The following DACH2 variants were observed in gnomAD, a reference collection of about 807,000 sequenced individuals.
DACH2 encodes dachshund homolog 2.
Under a neutral mutation model 35.8 loss-of-function variants are expected in DACH2, and 17 were observed. The ratio of observed to expected loss-of-function variants is 0.48; its 90% confidence interval spans 0.33 to 0.71. The LOEUF (loss-of-function observed/expected upper bound fraction) is 0.71, where lower values mean the gene tolerates loss of function less well. Among genes scored for constraint, DACH2 ranks in the 30% least tolerant of loss-of-function variants. DACH2 has a pLI of 0.02. For missense variants in DACH2, 469 were observed against 472.7 expected (o/e 0.99, Z 0.07); for synonymous variants, 195 against 177.3 (o/e 1.10, Z -0.79).
At chrX:86,319,378 G>A (rs766468585) in intron 1 of DACH2, among the ~76,000 whole-genome samples, 29 of 110,834 alleles carry the variant, frequency 2.6e-4, no homozygotes, top group Middle Eastern at 4.6e-3. Context: ...TACTCACCTC[G>A]TATGCAAATC....
intron 1 of DACH2, among the ~76,000 whole-genome samples, chrX:86,149,972 G>C (rs2030307029): frequency 9.0e-6 from 1 of 111,686 alleles, no homozygotes; most frequent in African/African-American, 3.3e-5. Context: ...TTCCCTTAAA[G>C]ACAGGATTCC....
chrX:86,472,981 T>C (rs1404513193), intron 2 of DACH2, among the ~76,000 whole-genome samples: 1 of 111,544 alleles, frequency 9.0e-6, no homozygotes, highest in African/African-American at 3.3e-5. Context: ...TTCATACATA[T>C]TTAATATTTT....
intron 4 of DACH2, among the ~76,000 whole-genome samples, chrX:86,683,500 A>C (rs1479269013): frequency 8.9e-6 from 1 of 111,771 alleles, no homozygotes; most frequent in Non-Finnish European, 1.9e-5. Flanking sequence ...CCTATTATAC[A>C]ATCTGCTTTA....
intron 2 of DACH2, among the ~76,000 whole-genome samples, chrX:86,439,124 A>G (rs898354067): frequency 8.9e-6 from 1 of 112,043 alleles, no homozygotes; most frequent in Non-Finnish European, 1.9e-5. Flanking sequence ...GTGGTTTTGA[A>G]TTACATTTTC....
intron 1 of DACH2, among the ~76,000 whole-genome samples, chrX:86,307,105 T>C (rs2034704425): frequency 8.9e-6 from 1 of 111,792 alleles, no homozygotes; most frequent in African/African-American, 3.3e-5. Flanking sequence ...ATTGGCCATA[T>C]ATGGAGAACC....
chrX:86,804,248 T>A (rs1304976827), intron 7 of DACH2, among the ~76,000 whole-genome samples: 2 of 111,896 alleles, frequency 1.8e-5, no homozygotes, highest in Non-Finnish European at 3.8e-5. Context: ...CTTTCAATCA[T>A]GGCAGAAGGC....
chrX:86,272,884 G>A (rs1220352595), intron 1 of DACH2, among the ~76,000 whole-genome samples: 1 of 111,598 alleles, frequency 9.0e-6, no homozygotes, highest in Non-Finnish European at 1.9e-5. Flanking sequence ...CAAATCAGTG[G>A]CTTTCTTGGT....
intron 2 of DACH2, among the ~76,000 whole-genome samples, chrX:86,490,439 A>G (rs2038078524): frequency 9.0e-6 from 1 of 111,414 alleles, no homozygotes; most frequent in Non-Finnish European, 1.9e-5. Flanking sequence ...TATCACTGGT[A>G]TCATAATCTG....
intron 1 of DACH2, among the ~76,000 whole-genome samples, chrX:86,292,295 G>A (rs1430075934): frequency 2.1e-4 from 21 of 98,349 alleles, no homozygotes; most frequent in African/African-American, 5.4e-4. Flanking sequence ...TTTTTATTGC[G>A]TTGATTTGAT....
chrX:86,436,664 G>A (rs1042152708), intron 2 of DACH2, among the ~76,000 whole-genome samples: 2 of 110,958 alleles, frequency 1.8e-5, no homozygotes, highest in Non-Finnish European at 3.8e-5. Context: ...GTTTGACTTA[G>A]GAAATATTTT....
chrX:86,812,687 A>G (rs2042405954), intron 7 of DACH2, among the ~76,000 whole-genome samples, 169 bp from the exon 8 acceptor site: 2 of 112,019 alleles, frequency 1.8e-5, no homozygotes, highest in Admixed American at 9.5e-5. Flanking sequence ...TGAAATATTT[A>G]TTTTTTGAAA....
intron 2 of DACH2, among the ~76,000 whole-genome samples, chrX:86,432,346 A>G (rs2036997424): frequency 8.9e-6 from 1 of 112,304 alleles, no homozygotes; most frequent in African/African-American, 3.2e-5. Flanking sequence ...CAAATTGTAG[A>G]GTAGAATTTC....
intron 2 of DACH2, among the ~76,000 whole-genome samples, chrX:86,430,676 C>T (rs755047796): frequency 3.5e-4 from 39 of 111,933 alleles, no homozygotes; most frequent in Non-Finnish European, 5.6e-5. Flanking sequence ...TATTATCGTA[C>T]TGGTCATTTT....
chrX:86,488,687 A>G (rs1293084623), intron 2 of DACH2, among the ~76,000 whole-genome samples: 1 of 111,615 alleles, frequency 9.0e-6, no homozygotes, highest in East Asian at 2.8e-4. Context: ...TCCACAATGT[A>G]TACATGTATT....
chrX:86,503,698 A>G (rs2038283321), intron 2 of DACH2, among the ~76,000 whole-genome samples: 1 of 111,794 alleles, frequency 8.9e-6, no homozygotes, highest in Non-Finnish European at 1.9e-5. Context: ...AGCAAATGTT[A>G]TTGTTTTATT....
chrX:86,822,380 T>C (rs1488490221), intron 11 of DACH2, among the ~76,000 whole-genome samples: 5 of 112,298 alleles, frequency 4.5e-5, no homozygotes, highest in Non-Finnish European at 7.5e-5. Flanking sequence ...ACCTATTATA[T>C]GTATAGCATG....
chrX:86,381,733 T>C (rs2036049289), intron 2 of DACH2, among the ~76,000 whole-genome samples: 1 of 110,954 alleles, frequency 9.0e-6, no homozygotes, highest in Non-Finnish European at 1.9e-5. Flanking sequence ...AAATTGAATT[T>C]GGTCAATTTG....
At chrX:86,525,144 A>G (rs2038612834) in intron 3 of DACH2, among the ~76,000 whole-genome samples, 1 of 111,128 alleles carries the variant, frequency 9.0e-6, no homozygotes, top group Admixed American at 9.7e-5. Flanking sequence ...CTTTTTATTT[A>G]TCATAAACAA....
At chrX:86,645,959 A>T (rs1222091395) in intron 3 of DACH2, among the ~76,000 whole-genome samples, 1 of 111,043 alleles carries the variant, frequency 9.0e-6, no homozygotes, top group Non-Finnish European at 1.9e-5. Flanking sequence ...ACTGTGATTG[A>T]TACCTGGGTG....
Sources: gnomAD v4.1 joint callset for allele counts (sites outside exome capture counted in the v4.1 genomes callset) on GRCh38, gnomAD v4.1.1 for gene constraint, MANE v1.5 for transcripts, NCBI Gene and HGNC (gene_info 2026-07-23, HGNC 2026-07-21) for gene names.